The following GPC6 variants were observed in gnomAD, a reference collection of about 807,000 sequenced individuals.
GPC6 encodes the protein glypican-6.
Under a neutral mutation model 55.2 loss-of-function variants are expected in GPC6, and 14 were observed. That is an observed-to-expected ratio of 0.25 (90% CI 0.17 to 0.40). GPC6 has a LOEUF of 0.40. Ranked by LOEUF, GPC6 falls within the 10% of genes least tolerant of loss-of-function variation. GPC6 has a pLI of 1.00. For missense variants in GPC6, 641 were observed against 708.5 expected (o/e 0.90, Z 1.08); for synonymous variants, 278 against 259.6 (o/e 1.07, Z -0.68).
chr13:94,134,971 T>A (rs1272321838), intron 4 of GPC6, among the ~76,000 whole-genome samples: 1 of 152,186 alleles, frequency 6.6e-6, no homozygotes, highest in African/African-American at 2.4e-5. Flanking sequence ...CTTCTCCTTG[T>A]CACCCACTCG....
At chr13:94,323,102 C>T (rs748623099) in intron 6 of GPC6, among the ~76,000 whole-genome samples, 2 of 152,062 alleles carry the variant, frequency 1.3e-5, no homozygotes, top group Admixed American at 1.3e-4. Context: ...CGAAAGAAGC[C>T]GGCTCCACAC....
chr13:93,266,521 G>T (rs778318948), intron 1 of GPC6, among the ~76,000 whole-genome samples: 1 of 152,078 alleles, frequency 6.6e-6, no homozygotes, highest in Non-Finnish European at 1.5e-5. Context: ...AAGGAGGAAA[G>T]GGAATAAATA....
intron 1 of GPC6, among the ~76,000 whole-genome samples, chr13:93,266,801 AG>A (rs1877339394): frequency 6.6e-6 from 1 of 152,222 alleles, no homozygotes; most frequent in African/African-American, 2.4e-5. Context: ...CACTTATAGA[AG>A]GCAGAAATAA....
chr13:93,917,074 G>A (rs1877330400), intron 3 of GPC6, among the ~76,000 whole-genome samples: 2 of 152,118 alleles, frequency 1.3e-5, no homozygotes, highest in Non-Finnish European at 2.9e-5. Flanking sequence ...ATAAACAAAT[G>A]TGTGTGTTTG....
At chr13:93,928,999 T>C (rs1204492398) in intron 3 of GPC6, among the ~76,000 whole-genome samples, 1 of 152,182 alleles carries the variant, frequency 6.6e-6, no homozygotes, top group Non-Finnish European at 1.5e-5. Flanking sequence ...GGTGTTACCT[T>C]TTCATTGCCA....
intron 6 of GPC6, among the ~76,000 whole-genome samples, chr13:94,338,820 A>G (rs1451902804): frequency 1.3e-5 from 2 of 152,162 alleles, no homozygotes; most frequent in African/African-American, 4.8e-5. Flanking sequence ...TGTCACATAC[A>G]TGAGGCTGAA....
chr13:93,872,548 A>G (rs1398945221), intron 3 of GPC6, among the ~76,000 whole-genome samples: 1 of 151,938 alleles, frequency 6.6e-6, no homozygotes, highest in Non-Finnish European at 1.5e-5. Context: ...GCTCTAGGGA[A>G]CAATCCATTC....
intron 2 of GPC6, among the ~76,000 whole-genome samples, chr13:93,725,415 A>G (rs897990684): frequency 4.6e-5 from 7 of 152,110 alleles, no homozygotes; most frequent in African/African-American, 1.7e-4. Flanking sequence ...TTCTCCTAAA[A>G]GCAGAATTAG....
intron 4 of GPC6, among the ~76,000 whole-genome samples, chr13:94,097,506 CAA>C (rs869307863): frequency 8.5e-5 from 6 of 70,262 alleles, no homozygotes; most frequent in South Asian, 6.3e-4. Context: ...GACTCTGTCT[CAA>C]AAAAAAAAAA....
At chr13:93,972,949 TTCTC>T (rs1208989915) in intron 3 of GPC6, among the ~76,000 whole-genome samples, 17 of 140,988 alleles carry the variant, frequency 1.2e-4, no homozygotes, top group Non-Finnish European at 1.3e-4. Context: ...CTCTCTGTCT[TTCTC>T]TCTCTCTCTC....
At chr13:93,225,498 G>T (rs1347970319), upstream of GPC6, among the ~76,000 whole-genome samples, 55 of 11,452 alleles carry the variant, frequency 4.8e-3, no homozygotes, top group African/African-American at 5.2e-3. Flanking sequence ...TTTTTTTTTT[G>T]TTTTGTTTTG....
At chr13:93,978,457 T>C (rs1225708493) in intron 3 of GPC6, among the ~76,000 whole-genome samples, 1 of 152,170 alleles carries the variant, frequency 6.6e-6, no homozygotes, top group Non-Finnish European at 1.5e-5. Flanking sequence ...CAATACAGAA[T>C]TTTAAAACAC....
In GPC6 at chr13:93,277,582, T is replaced by G. The variant is rs1247332908; in HGVS notation, c.160+49966T>G. ...TCAAATCCCCATCTGAGCTTGAATT[T>G]GAAATGCTCAGAGATTTCTAGAGAC... On this transcript the variant is annotated intron_variant, in intron 1 of 8. Coordinates refer to ENST00000377047, the MANE Select transcript of GPC6 (RefSeq NM_005708.5). Among the ~76,000 whole-genome samples, 3 of 152,220 alleles carry G rather than the reference T, an allele frequency of 2.0e-5. No homozygotes were observed. The East Asian group carries it at 5.8e-4, about 29-fold the overall frequency.
At chr13:94,081,997 C>T (rs367823750) in intron 4 of GPC6, among the ~76,000 whole-genome samples, 26 of 152,058 alleles carry the variant, frequency 1.7e-4, no homozygotes, top group African/African-American at 5.5e-4. Context: ...TCCACCACCA[C>T]GCCTAGCTAA....
chr13:94,171,733 T>G (rs763538191), intron 4 of GPC6, among the ~76,000 whole-genome samples: 1 of 152,316 alleles, frequency 6.6e-6, no homozygotes, highest in South Asian at 2.1e-4. Context: ...CATCTCAGAT[T>G]TCCTAACACT....
chr13:94,202,614 A>G (rs1889788239), intron 4 of GPC6, among the ~76,000 whole-genome samples: 1 of 152,204 alleles, frequency 6.6e-6, no homozygotes, highest in African/African-American at 2.4e-5. Context: ...GGGAGCTACA[A>G]TTCAAGATGA....
At chr13:94,297,333 A>G (rs971643521) in intron 5 of GPC6, among the ~76,000 whole-genome samples, 11 of 152,130 alleles carry the variant, frequency 7.2e-5, no homozygotes, top group African/African-American at 2.7e-4. Context: ...GTCTGATGTA[A>G]ATTACATGCT....
chr13:93,499,367 A>G (rs941542599), intron 1 of GPC6, among the ~76,000 whole-genome samples: 12 of 152,226 alleles, frequency 7.9e-5, no homozygotes, highest in African/African-American at 2.9e-4. Flanking sequence ...CAAAGTCCTT[A>G]GAAGACATTT....
chr13:94,138,888 C>T (rs1887274378), intron 4 of GPC6, among the ~76,000 whole-genome samples: 1 of 152,028 alleles, frequency 6.6e-6, no homozygotes, highest in African/African-American at 2.4e-5. Context: ...GTTCCTCATT[C>T]TGAATTAAGT....
Sources: allele counts gnomAD v4.1 joint callset (sites outside exome capture counted in the v4.1 genomes callset), GRCh38; gene constraint gnomAD v4.1.1; transcripts MANE v1.5; gene names NCBI Gene and HGNC (gene_info 2026-07-23, HGNC 2026-07-21).